Variants in SLC14A2 observed in about 807,000 individuals in gnomAD.
SLC14A2 encodes urea transporter 2.
SLC14A2 carries 91 observed loss-of-function variants against 104.6 expected under a neutral mutation model. The ratio of observed to expected loss-of-function variants is 0.87; its 90% CI spans 0.73 to 1.04. The LOEUF is 1.04. Ranked by LOEUF, SLC14A2 falls within the 50% of genes least tolerant of loss-of-function variation. The probability of loss-of-function intolerance (pLI) is 0.00; values close to 1 mark genes in which losing one functional copy is unlikely to be tolerated. For synonymous variants in SLC14A2, 476 were observed against 466.4 expected (o/e 1.02, Z -0.27); for missense variants, 1,189 against 1,156.0 (o/e 1.03, Z -0.41).
chr18:45,506,528 G>A (rs894725226), intron 2 of SLC14A2, among the ~76,000 whole-genome samples: 17 of 152,236 alleles, frequency 1.1e-4, no homozygotes, highest in Admixed American at 2.6e-4. Context: ...TAGATAGGGC[G>A]GACCCAAAAA....
intron 1 of SLC14A2, among the ~76,000 whole-genome samples, chr18:45,351,600 C>T (rs547538557): frequency 2.1e-4 from 32 of 152,284 alleles, no homozygotes; most frequent in Non-Finnish European, 3.5e-4. Flanking sequence ...AGTGATCCTC[C>T]CACCTGAGCC....
intron 1 of SLC14A2, among the ~76,000 whole-genome samples, chr18:45,305,785 A>G (rs113702722): frequency 2.6e-5 from 4 of 152,214 alleles, no homozygotes; most frequent in African/African-American, 7.2e-5. Flanking sequence ...TATGACTCCA[A>G]ATGACCTTCA....
At chr18:45,549,376 G>A (rs534522747) in intron 2 of SLC14A2, among the ~76,000 whole-genome samples, 21 of 152,352 alleles carry the variant, frequency 1.4e-4, no homozygotes, top group Non-Finnish European at 1.5e-4. Flanking sequence ...GCTGTAGAAA[G>A]CATTTGGGAG....
intron 1 of SLC14A2, among the ~76,000 whole-genome samples, chr18:45,414,870 C>T (rs1181156744): frequency 6.8e-6 from 1 of 147,506 alleles, no homozygotes; most frequent in Non-Finnish European, 1.5e-5. Context: ...CCCAGCCTTC[C>T]CTTCTCTCCT....
At chr18:45,428,181 G>C (rs28520476) in intron 1 of SLC14A2, among the ~76,000 whole-genome samples, 3,410 of 152,262 alleles carry the variant, frequency 0.022, 139 homozygotes, top group African/African-American at 0.078. Context: ...TTATGTCATT[G>C]AACCCAAGGA....
rs560702495 is a variant in SLC14A2, at chr18:45,481,863, A to G, written c.-124-1370A>G. Among the ~76,000 whole-genome samples the G allele has an allele frequency of 7.2e-5, 11 of 152,328 alleles. No individual in the cohort carries two copies. The South Asian group carries it at 1.2e-3, about 17-fold the overall frequency. The stretch of plus-strand genomic sequence containing the variant: ...GAATTTATCAGACTTATTTCAAAAC[A>G]ATGGTACTTTGAAAATTGTTTAGCT... On this transcript the variant is annotated intron_variant, in intron 1 of 20. Coordinates refer to the SLC14A2 transcript ENST00000586448.
intron 2 of SLC14A2, among the ~76,000 whole-genome samples, chr18:45,488,843 G>C (rs2087663919): frequency 6.6e-6 from 1 of 152,118 alleles, no homozygotes; most frequent in African/African-American, 2.4e-5. Context: ...CCACCCTTTA[G>C]TCCCCACGTT....
intron 1 of SLC14A2, among the ~76,000 whole-genome samples, chr18:45,394,395 C>G (rs536982499): frequency 6.6e-6 from 1 of 152,266 alleles, no homozygotes; most frequent in African/African-American, 2.4e-5. Flanking sequence ...CTGAATCCAG[C>G]CATCAGGCTT....
At chr18:45,264,797 A>G (rs1023935881) in intron 1 of SLC14A2, among the ~76,000 whole-genome samples, 7 of 152,182 alleles carry the variant, frequency 4.6e-5, no homozygotes, top group African/African-American at 1.2e-4. Context: ...GGGGGCCACA[A>G]TTCAAGATGA....
chr18:45,626,992 C>A lies in SLC14A2; in HGVS notation c.366C>A (p.Val122=). ...TTGCCCTCCAGTTCATAGACTGGGT[C>A]CTGAGAGGGACCGCTCAGGTGATGT... ...KHLALQFIDW[V]LRGTAQVMFI... Residue 122 remains valine, a synonymous_variant, in exon 4 of 20, where the codon GTC becomes GTA. Transcript: ENST00000255226. 2 of 1,612,558 alleles carry A rather than the reference C, an allele frequency of 1.2e-6. No individual in the cohort carries two copies. The highest frequency in any genetic ancestry group is 1.7e-6 in the Non-Finnish European group (2 of 1,179,982).
the SLC14A2 span, among the ~76,000 whole-genome samples, chr18:45,186,950 T>G: frequency 1.3e-3 from 205 of 152,110 alleles, 2 homozygotes; most frequent in African/African-American, 4.7e-3. Flanking sequence ...ACCCCAAGGC[T>G]CTCCTTCACG....
chr18:45,377,875 G>A (rs1262791476), intron 1 of SLC14A2, among the ~76,000 whole-genome samples: 9 of 152,162 alleles, frequency 5.9e-5, no homozygotes, highest in Non-Finnish European at 5.9e-5. Context: ...CCATCTTCCT[G>A]CTTTACTTGC....
At chr18:45,186,670 A>G in the SLC14A2 span, among the ~76,000 whole-genome samples, 1 of 152,218 alleles carries the variant, frequency 6.6e-6, no homozygotes, top group Non-Finnish European at 1.5e-5. Flanking sequence ...CTGGAGAGAC[A>G]GAAGCATCCA....
At chr18:45,198,490 A>G in the SLC14A2 span, among the ~76,000 whole-genome samples, 2 of 152,224 alleles carry the variant, frequency 1.3e-5, no homozygotes, top group South Asian at 2.1e-4. Context: ...TGCTATATAC[A>G]AAGTCTTATT....
chr18:45,328,081 A>G (rs1475815250), intron 1 of SLC14A2, among the ~76,000 whole-genome samples: 2 of 152,132 alleles, frequency 1.3e-5, no homozygotes, highest in Non-Finnish European at 2.9e-5. Flanking sequence ...AAGTGGAAGA[A>G]AAAAAAATGT....
chr18:45,673,847 C>CT, intron 18 of SLC14A2, 30 bp downstream of exon 18: 1 of 1,600,422 alleles, frequency 6.2e-7, no homozygotes, highest in Non-Finnish European at 8.6e-7. Context: ...GATTTGTTTC[C>CT]TTTATAAAAG....
chr18:45,530,394 C>T (rs1356352904), intron 2 of SLC14A2, among the ~76,000 whole-genome samples: 1 of 152,116 alleles, frequency 6.6e-6, no homozygotes, highest in African/African-American at 2.4e-5. Flanking sequence ...ATATCATAGA[C>T]TACTAAATCT....
At chr18:45,228,127 A>G (rs1330540296) in intron 1 of SLC14A2, among the ~76,000 whole-genome samples, 1 of 152,228 alleles carries the variant, frequency 6.6e-6, no homozygotes, top group Non-Finnish European at 1.5e-5. Flanking sequence ...GTAAGAGACA[A>G]TGACAGTAGC....
intron 2 of SLC14A2, among the ~76,000 whole-genome samples, chr18:45,485,862 A>G (rs771195751): frequency 3.9e-5 from 6 of 152,112 alleles, no homozygotes; most frequent in Admixed American, 6.5e-5. Flanking sequence ...GCAATGAGCT[A>G]TAGTCAACCT....
Sources: allele counts gnomAD v4.1 joint callset (sites outside exome capture counted in the v4.1 genomes callset), GRCh38; gene constraint gnomAD v4.1.1; transcripts MANE v1.5; gene names NCBI Gene and HGNC (gene_info 2026-07-23, HGNC 2026-07-21).